The following EIF4E2 variants were observed in gnomAD, a reference collection of about 807,000 sequenced individuals.
EIF4E2 encodes the protein eukaryotic translation initiation factor 4E type 2.
A neutral mutation model predicts 34.2 loss-of-function variants in EIF4E2; 13 were observed. That is an observed-to-expected ratio of 0.38 (90% CI 0.25 to 0.60). The LOEUF is 0.60. EIF4E2 is among the 20% of genes least tolerant of loss of function. The probability of loss-of-function intolerance (pLI) is 0.62; values close to 1 mark genes in which losing one functional copy is unlikely to be tolerated. For missense variants in EIF4E2, 222 were observed against 315.1 expected (o/e 0.70, Z 2.24); for synonymous variants, 100 against 106.6 (o/e 0.94, Z 0.38).
intron 1 of EIF4E2, chr2:232,551,214 A>G (rs1352143525): frequency 6.3e-6 from 3 of 479,468 alleles, no homozygotes; most frequent in Admixed American, 2.3e-5. Flanking sequence ...GGAGGATGCA[A>G]TGAGGTAATG....
At chr2:232,582,369 G>C (rs1693380419) in exon 7 of EIF4E2, 1 of 152,294 alleles carries the variant, frequency 6.6e-6, no homozygotes, top group Non-Finnish European at 1.5e-5. Context: ...TTCCATTCCT[G>C]AACACCCTCT....
chr2:232,569,035 T>C lies in EIF4E2; in HGVS notation c.*18T>C, dbSNP rs764188521. ...TGCCATGACCCTCTCCCTCTCTGGA[T>C]GGCACCATCATTGAAGCTGGCGTCA... On this transcript the variant is annotated 3_prime_UTR_variant, in exon 7 of 7. Coordinates refer to ENST00000258416, the MANE Select transcript of EIF4E2 (RefSeq NM_004846.4). 1 of 1,613,520 alleles carries C rather than the reference T, an allele frequency of 6.2e-7. No individual in the cohort carries two copies. The highest frequency in any genetic ancestry group is 1.3e-5 in the African/African-American group (1 of 74,934).
chr2:232,564,217 G>T (rs1656397), intron 3 of EIF4E2, 30 bp from the exon 4 acceptor site: 279 of 1,485,864 alleles, frequency 1.9e-4, no homozygotes, highest in Admixed American at 3.3e-4. Flanking sequence ...AAAGACACAT[G>T]TTTTTTACTC....
At chr2:232,550,837 C>T in intron 1 of EIF4E2, 93 bp downstream of exon 1, 1 of 1,243,768 alleles carries the variant, frequency 8.0e-7, no homozygotes, top group Non-Finnish European at 1.1e-6. Context: ...AACCCTGCGG[C>T]ACCGGCTTCC....
downstream of EIF4E2, among the ~76,000 whole-genome samples, chr2:232,569,576 T>C (rs776225900): frequency 6.6e-6 from 1 of 152,222 alleles, no homozygotes; most frequent in Non-Finnish European, 1.5e-5. Flanking sequence ...TCCATTCGCC[T>C]TTACTTCAAA....
chr2:232,568,903 TC>T, intron 6 of EIF4E2, 41 bp from the exon 7 acceptor site: 1 of 1,613,604 alleles, frequency 6.2e-7, no homozygotes, highest in Non-Finnish European at 8.5e-7. Flanking sequence ...CGTCCCCCTC[TC>T]TTTCCTCTCC....
intron 6 of EIF4E2, among the ~76,000 whole-genome samples, chr2:232,578,619 C>T (rs1424536809): frequency 1.4e-5 from 2 of 147,528 alleles, no homozygotes; most frequent in Non-Finnish European, 3.0e-5. Context: ...GACACTCCAT[C>T]TCAAAAAAAA....
At chr2:232,565,395 A>C (rs1022973377) in intron 4 of EIF4E2, among the ~76,000 whole-genome samples, 5 of 152,276 alleles carry the variant, frequency 3.3e-5, no homozygotes, top group Non-Finnish European at 5.9e-5. Flanking sequence ...GCACTTTGGG[A>C]GGTCGAGGTG....
At chr2:232,577,059 G>C (rs1434128583) in intron 6 of EIF4E2, among the ~76,000 whole-genome samples, 1 of 152,238 alleles carries the variant, frequency 6.6e-6, no homozygotes, top group African/African-American at 2.4e-5. Context: ...GAGCTGATAG[G>C]AAAGGATTCT....
chr2:232,565,060 G>A (rs981269054), intron 4 of EIF4E2, among the ~76,000 whole-genome samples: 3 of 152,194 alleles, frequency 2.0e-5, no homozygotes, highest in Non-Finnish European at 4.4e-5. Flanking sequence ...TGCAGAGCCA[G>A]TATTCGGCTG....
chr2:232,574,979 T>C (rs1447827321), intron 6 of EIF4E2, among the ~76,000 whole-genome samples: 1 of 152,018 alleles, frequency 6.6e-6, no homozygotes, highest in African/African-American at 2.4e-5. Context: ...GTTAAGAGAG[T>C]ATCAAGTCCA....
At chr2:232,553,797 G>A (rs965319848) in intron 1 of EIF4E2, 1 of 152,180 alleles carries the variant, frequency 6.6e-6, no homozygotes, top group African/African-American at 2.4e-5. Flanking sequence ...GCCCTAAGTG[G>A]TCCAGGGATC....
chr2:232,581,782 T>C lies in EIF4E2; in HGVS notation c.*839T>C, dbSNP rs1269489038. The C allele has an allele frequency of 2.6e-5, 4 of 152,632 alleles. No homozygotes were observed. Among genetic ancestry groups the C allele is most frequent in the Admixed American group, 2.6e-4 (4 of 15,314 alleles). The allele number at this position is 152,632 out of a possible 1,614,324, so 9.5% of individuals were successfully genotyped here. Reference sequence around the variant, plus strand: ...CTGTGTGTCAGGCCTGTTTCCCATATGAGCAGAGCCTGTGTGCAAGTCTGT... The same window carrying C: ...CTGTGTGTCAGGCCTGTTTCCCATACGAGCAGAGCCTGTGTGCAAGTCTGT... On this transcript the variant is annotated 3_prime_UTR_variant, in exon 7 of 7. Transcript: ENST00000409098. This position sits in a 1 kb window ranked among gnomAD's most constrained non-coding sequence, Gnocchi z 5.2.
At chr2:232,564,422 C>A in intron 4 of EIF4E2, 71 bp downstream of exon 4, 2 of 799,344 alleles carry the variant, frequency 2.5e-6, no homozygotes, top group Admixed American at 2.9e-5. Flanking sequence ...CTTAGCCCTG[C>A]CAAGGTTAAA....
At chr2:232,554,735 G>T (rs1692464733) in intron 1 of EIF4E2, among the ~76,000 whole-genome samples, 1 of 152,206 alleles carries the variant, frequency 6.6e-6, no homozygotes, top group East Asian at 1.9e-4. Flanking sequence ...CTGCTCATCT[G>T]CTCCATTCTC....
chr2:232,580,084 CCACACACACACACACACACACA>C (rs6147227), intron 6 of EIF4E2, among the ~76,000 whole-genome samples: 9 of 145,170 alleles, frequency 6.2e-5, no homozygotes, highest in Non-Finnish European at 1.1e-4. Flanking sequence ...CACATACATA[CCACACACACACACACACACACA>C]CACACACACA....
chr2:232,573,749 A>C, downstream of EIF4E2: 5 of 279,698 alleles, frequency 1.8e-5, no homozygotes, highest in Non-Finnish European at 3.5e-5. Context: ...TAGAAGGGTT[A>C]GAAGGTCGGA....
intron 6 of EIF4E2, among the ~76,000 whole-genome samples, chr2:232,578,652 G>T (rs1693275486): frequency 6.6e-6 from 1 of 151,990 alleles, no homozygotes; most frequent in African/African-American, 2.4e-5. Context: ...ATGAGAAAGT[G>T]TTTTTAGAGC....
At chr2:232,552,438 C>T (rs1355016198) in intron 1 of EIF4E2, among the ~76,000 whole-genome samples, 2 of 152,258 alleles carry the variant, frequency 1.3e-5, no homozygotes, top group Non-Finnish European at 2.9e-5. Flanking sequence ...ATCTCGAACT[C>T]GGGCTCAAGA....
Sources: allele counts gnomAD v4.1 joint callset (sites outside exome capture counted in the v4.1 genomes callset), GRCh38; gene constraint gnomAD v4.1.1; non-coding constraint Gnocchi (gnomAD v3.1); transcripts MANE v1.5; gene names NCBI Gene and HGNC (gene_info 2026-07-23, HGNC 2026-07-21).